Variants in SNX29 observed in about 807,000 individuals in gnomAD.
SNX29 encodes the protein sorting nexin-29.
A neutral mutation model predicts 102.1 loss-of-function variants in SNX29; 78 were observed. That is an observed-to-expected ratio of 0.76 (90% CI 0.64 to 0.92). The LOEUF (loss-of-function observed/expected upper bound fraction) is 0.92. Among genes scored for constraint, SNX29 ranks in the 40% least tolerant of loss-of-function variants. SNX29 has a pLI of 0.00. For synonymous variants in SNX29, 580 were observed against 414.5 expected (o/e 1.40, Z -4.85); for missense variants, 1,280 against 1,061.7 (o/e 1.21, Z -2.86).
chr16:12,219,388 G>C (rs536837649), intron 14 of SNX29, among the ~76,000 whole-genome samples: 2 of 152,022 alleles, frequency 1.3e-5, no homozygotes, highest in East Asian at 1.9e-4. Flanking sequence ...ACAACCTTCT[G>C]GGAACAATAC....
Position 12,573,526 on chromosome 16 carries a change from T to G in SNX29, c.*4897T>G, listed in dbSNP as rs1028008918. On this transcript the variant is annotated 3_prime_UTR_variant, in exon 21 of 21. Coordinates refer to ENST00000566228, the MANE Select transcript of SNX29 (RefSeq NM_032167.5). ...TTTAAGAGGCCCAGGGATTTAGTTC[T>G]TACTGGTGCGTAAGTGTTTTCCCAT... 8.9e-5 allele frequency: 20 copies of G among 224,754 alleles called. No individual in the cohort carries two copies. Among genetic ancestry groups the G allele is most frequent in the African/African-American group, 3.8e-4 (17 of 44,908 alleles). 13.9% of individuals were successfully genotyped at this position (224,754 alleles called of 1,614,324 possible). A position where few individuals can be genotyped will look rare whatever the true frequency, so the allele number is the denominator to read the frequency against.
At chr16:12,488,944 C>G (rs965538217) in intron 19 of SNX29, among the ~76,000 whole-genome samples, 1 of 152,202 alleles carries the variant, frequency 6.6e-6, no homozygotes, top group African/African-American at 2.4e-5. Context: ...AATTATAAGA[C>G]AACTTGACTC....
intron 16 of SNX29, among the ~76,000 whole-genome samples, chr16:12,386,724 C>A (rs2083354257): frequency 6.6e-6 from 1 of 152,118 alleles, no homozygotes; most frequent in South Asian, 2.1e-4. Context: ...CTGAACAGTT[C>A]AAAGTGCCTA....
At chr16:12,397,741 G>C (rs2083772059) in intron 16 of SNX29, among the ~76,000 whole-genome samples, 1 of 152,192 alleles carries the variant, frequency 6.6e-6, no homozygotes, top group Non-Finnish European at 1.5e-5. Context: ...TGCAATACTT[G>C]TGACAGCTGT....
intron 18 of SNX29, among the ~76,000 whole-genome samples, chr16:12,412,348 C>T (rs1475848661): frequency 6.6e-6 from 1 of 152,230 alleles, no homozygotes; most frequent in Non-Finnish European, 1.5e-5. Flanking sequence ...CTCACCCAAC[C>T]ACCAAGGCGT....
chr16:12,033,392 C>T (rs2057394968), intron 4 of SNX29, among the ~76,000 whole-genome samples: 2 of 151,460 alleles, frequency 1.3e-5, no homozygotes, highest in African/African-American at 4.9e-5. Flanking sequence ...CCTGAGCCAC[C>T]GTGCCTGGCC....
chr16:12,375,017 G>C (rs2082821311), intron 16 of SNX29: 1 of 152,186 alleles, frequency 6.6e-6, no homozygotes, highest in South Asian at 2.1e-4. Flanking sequence ...AGGAGCTCCA[G>C]ACTAGCCTGG....
intron 18 of SNX29, among the ~76,000 whole-genome samples, chr16:12,461,990 T>A (rs1483650729): frequency 1.0e-3 from 63 of 61,008 alleles, no homozygotes; most frequent in African/African-American, 5.4e-3. Context: ...TATATATATA[T>A]ATATATATAT....
At chr16:12,171,235 T>C (rs1015192291) in intron 13 of SNX29, among the ~76,000 whole-genome samples, 1 of 152,074 alleles carries the variant, frequency 6.6e-6, no homozygotes, top group Non-Finnish European at 1.5e-5. Context: ...GCCCACACTA[T>C]CTTCACGTGA....
At chr16:12,180,544 C>T (rs574446601) in intron 13 of SNX29, among the ~76,000 whole-genome samples, 148 of 151,112 alleles carry the variant, frequency 9.8e-4, no homozygotes, top group Admixed American at 1.8e-3. Context: ...AGTGCAGTGG[C>T]GCGATCTCGG....
At chr16:12,243,358 G>C (rs1159830271) in intron 14 of SNX29, among the ~76,000 whole-genome samples, 1 of 152,158 alleles carries the variant, frequency 6.6e-6, no homozygotes, top group East Asian at 1.9e-4. Flanking sequence ...TGCCACTTTT[G>C]TTCTGCTGCC....
intron 15 of SNX29, among the ~76,000 whole-genome samples, chr16:12,285,981 C>T (rs539573897): frequency 3.3e-5 from 5 of 152,070 alleles, no homozygotes; most frequent in South Asian, 4.2e-4. Flanking sequence ...TCCCCCTCCA[C>T]AGTAGCATAC....
At chr16:12,238,473 G>A (rs944976879) in intron 14 of SNX29, among the ~76,000 whole-genome samples, 1 of 152,186 alleles carries the variant, frequency 6.6e-6, no homozygotes, top group African/African-American at 2.4e-5. Flanking sequence ...TTACAGCCAC[G>A]TGCCACCATG....
At chr16:12,372,239 T>C (rs2151384801) in intron 16 of SNX29, among the ~76,000 whole-genome samples, 1 of 152,366 alleles carries the variant, frequency 6.6e-6, no homozygotes, top group South Asian at 2.1e-4. Context: ...CAGTCATGAA[T>C]ATATGTCGAC....
chr16:12,515,248 C>G (rs1045998055), intron 19 of SNX29, among the ~76,000 whole-genome samples: 2 of 152,098 alleles, frequency 1.3e-5, no homozygotes, highest in African/African-American at 2.4e-5. Flanking sequence ...TTGTAATGAT[C>G]GCTTTGCATG....
At chr16:12,291,992 T>A (rs2079812904) in intron 15 of SNX29, among the ~76,000 whole-genome samples, 1 of 152,146 alleles carries the variant, frequency 6.6e-6, no homozygotes, top group African/African-American at 2.4e-5. Flanking sequence ...AAACAGTAAT[T>A]TTTAGCAGCA....
At chr16:12,147,524 C>T (rs1024357787) in intron 13 of SNX29, among the ~76,000 whole-genome samples, 1 of 151,974 alleles carries the variant, frequency 6.6e-6, no homozygotes, top group African/African-American at 2.4e-5. Context: ...TTGAGGGATA[C>T]CAAAAGAGCC....
chr16:12,499,086 T>C (rs3852675), intron 19 of SNX29, among the ~76,000 whole-genome samples: 92,492 of 151,964 alleles, frequency 0.61, 29,676 homozygotes, highest in African/African-American at 0.81. Flanking sequence ...CTTCCCCTTA[T>C]GCCCTCCGCT....
Position 12,571,022 on chromosome 16 carries a change from G to T in SNX29, c.*2393G>T, listed in dbSNP as rs1363547826. On this transcript the variant is annotated 3_prime_UTR_variant, in exon 21 of 21. Transcript: ENST00000566228. Reference sequence around the variant, plus strand: ...GACCGTAGAGTCGAGTCATCTCGCAGATCCAGACCATCTCCTCTCATTCTC... The same window carrying T: ...GACCGTAGAGTCGAGTCATCTCGCATATCCAGACCATCTCCTCTCATTCTC... The T allele has an allele frequency of 1.7e-5, 4 of 232,702 alleles. No individual in the cohort carries two copies. The highest frequency in any genetic ancestry group is 3.4e-5 in the Non-Finnish European group (4 of 117,758). The allele number at this position is 232,702 out of a possible 1,614,324, so 14.4% of individuals were successfully genotyped here. A position where few individuals can be genotyped will look rare whatever the true frequency, so the allele number is the denominator to read the frequency against.
Sources: gnomAD v4.1 joint callset for allele counts (sites outside exome capture counted in the v4.1 genomes callset) on GRCh38, gnomAD v4.1.1 for gene constraint, MANE v1.5 for transcripts, NCBI Gene and HGNC (gene_info 2026-07-23, HGNC 2026-07-21) for gene names.